The following CCN4 variants were observed in gnomAD, a reference collection of about 807,000 sequenced individuals.
The protein encoded by CCN4 is CCN family member 4.
A neutral mutation model predicts 36.7 loss-of-function variants in CCN4; 30 were observed. The observed-to-expected ratio is 0.82, with a 90% confidence interval of 0.61 to 1.11. The LOEUF is 1.11. Ranked by LOEUF, CCN4 falls within the 50% of genes least tolerant of loss-of-function variation. CCN4 has a pLI of 0.00. For missense variants in CCN4, 505 were observed against 504.9 expected (o/e 1.00, Z 0.00); for synonymous variants, 191 against 195.4 (o/e 0.98, Z 0.19).
At position 133,191,044 on chromosome 8, in the gene CCN4, TG is replaced by T; in HGVS notation, c.-99del. 8.0e-7 allele frequency: 1 copy of T among 1,248,286 alleles called. No homozygotes were observed. Among genetic ancestry groups the T allele is most frequent in the Non-Finnish European group, 1.1e-6 (1 of 871,974 alleles). 77.3% of individuals were successfully genotyped at this position (1,248,286 alleles called of 1,614,324 possible). On this transcript the variant is annotated 5_prime_UTR_variant, in exon 1 of 5. Coordinates refer to ENST00000250160, the MANE Select transcript of CCN4 (RefSeq NM_003882.4). ...CCAAGGGCTGCGGAAGAGGCATATC[TG>T]GTGCTCCTGATGGGCCGGCCAGTCT...
At chr8:133,217,231 T>C (rs953992879) in intron 2 of CCN4, among the ~76,000 whole-genome samples, 21 of 152,308 alleles carry the variant, frequency 1.4e-4, no homozygotes, top group African/African-American at 5.1e-4. Context: ...CATCCCTCCA[T>C]TGATTCTTCA....
rs1257345165 is a variant in CCN4 at position 133,231,338 on chromosome 8, C to T, written c.*3628C>T. 1 of 152,126 alleles carries T rather than the reference C, an allele frequency of 6.6e-6. No homozygotes were observed. The highest frequency in any genetic ancestry group is 1.5e-5 in the Non-Finnish European group (1 of 68,034). The allele number at this position is 152,126 out of a possible 1,614,324, so 9.4% of individuals were successfully genotyped here. ...TGTGTATATATATGTATGTATGTAT[C>T]TATTTTCAAACTGTGATTTAATATT... On this transcript the variant is annotated 3_prime_UTR_variant, in exon 5 of 5. Transcript: ENST00000250160.
chr8:133,209,891 G>T (rs117865047), intron 1 of CCN4, among the ~76,000 whole-genome samples: 1 of 152,326 alleles, frequency 6.6e-6, no homozygotes, highest in East Asian at 1.9e-4. Context: ...GTGTGATTGT[G>T]CCCATATCAC....
chr8:133,197,868 T>C (rs1297959488), intron 1 of CCN4, among the ~76,000 whole-genome samples: 3 of 152,094 alleles, frequency 2.0e-5, no homozygotes, highest in African/African-American at 7.2e-5. Context: ...AAGGCATGTG[T>C]GCTATGAGCC....
At chr8:133,195,918 C>T (rs1431993637) in intron 1 of CCN4, among the ~76,000 whole-genome samples, 1 of 152,204 alleles carries the variant, frequency 6.6e-6, no homozygotes, top group Non-Finnish European at 1.5e-5. Context: ...GAGGCAAACT[C>T]CAAGGGAGGT....
At chr8:133,193,178 C>T (rs941182698) in intron 1 of CCN4, among the ~76,000 whole-genome samples, 5 of 152,158 alleles carry the variant, frequency 3.3e-5, no homozygotes, top group South Asian at 2.1e-4. Context: ...GTCATCCTCC[C>T]GAATTAATAT....
intron 1 of CCN4, among the ~76,000 whole-genome samples, chr8:133,194,570 A>G (rs1323680641): frequency 3.2e-3 from 39 of 12,058 alleles, no homozygotes; most frequent in South Asian, 6.5e-3. Context: ...GGGTGGTGGT[A>G]TGGAGGGGTG....
chr8:133,194,838 TG>T lies in CCN4; in HGVS notation c.69+3627del, dbSNP rs200760313. On this transcript the variant is annotated intron_variant, in intron 1 of 4. Coordinates refer to ENST00000250160, the MANE Select transcript of CCN4 (RefSeq NM_003882.4). ...GTGGTGTGTGTGGTACGTGTGTGTG[TG>T]GTGTGTGGTGTGTGTGTTGAGTGTG... 2.6e-3 allele frequency among the ~76,000 whole-genome samples: 343 copies of T among 132,586 alleles called. 2 individuals carry two copies. Among genetic ancestry groups the T allele is most frequent in the African/African-American group, 9.6e-3 (334 of 34,762 alleles). 87.0% of individuals were successfully genotyped at this position (132,586 alleles called of 152,430 possible). A position where few individuals can be genotyped will look rare whatever the true frequency, so the allele number is the denominator to read the frequency against.
chr8:133,203,415 G>A (rs1161989937), intron 1 of CCN4, among the ~76,000 whole-genome samples: 1 of 152,186 alleles, frequency 6.6e-6, no homozygotes, highest in Non-Finnish European at 1.5e-5. Context: ...GTGCAGCAAG[G>A]TGATTACAAG....
At chr8:133,213,242 C>T (rs540736694) in intron 2 of CCN4, 99 bp downstream of exon 2, 1 of 1,421,266 alleles carries the variant, frequency 7.0e-7, no homozygotes, top group African/African-American at 1.4e-5. Context: ...TTCACCTGGC[C>T]AGGCTTCCGT....
intron 2 of CCN4, among the ~76,000 whole-genome samples, chr8:133,218,423 A>C (rs1387099197): frequency 6.6e-6 from 1 of 152,182 alleles, no homozygotes; most frequent in Non-Finnish European, 1.5e-5. Context: ...CTTGGACGCT[A>C]TGTGTCTTCA....
intron 1 of CCN4, among the ~76,000 whole-genome samples, chr8:133,199,988 G>A (rs1258458948): frequency 1.3e-5 from 2 of 152,116 alleles, no homozygotes; most frequent in African/African-American, 4.8e-5. Context: ...GGCATGCAAG[G>A]TTCAGAACAC....
intron 1 of CCN4, among the ~76,000 whole-genome samples, chr8:133,201,682 GAAATGCAA>G (rs971224234): frequency 3.3e-5 from 5 of 151,968 alleles, no homozygotes; most frequent in Non-Finnish European, 7.4e-5. Context: ...TCTCTACTAA[GAAATGCAA>G]AAATTAGCAG....
intron 1 of CCN4, among the ~76,000 whole-genome samples, chr8:133,203,086 G>C (rs1458403818): frequency 6.6e-6 from 1 of 152,224 alleles, no homozygotes; most frequent in Non-Finnish European, 1.5e-5. Context: ...CCCTGGTGGA[G>C]TATCTAGGTG....
At chr8:133,227,350 G>T (rs1400204027) in intron 4 of CCN4, 61 bp from the exon 5 acceptor site, 27 of 1,524,188 alleles carry the variant, frequency 1.8e-5, no homozygotes, top group Middle Eastern at 2.4e-4. Flanking sequence ...GGGCTCAGGG[G>T]AAGAAGGTGG....
intron 1 of CCN4, among the ~76,000 whole-genome samples, chr8:133,194,451 GT>G (rs1339314693): frequency 1.0e-4 from 8 of 77,138 alleles, no homozygotes; most frequent in African/African-American, 2.2e-4. Flanking sequence ...TGGTGTGTGT[GT>G]GGTATGTGTG....
intron 2 of CCN4, 22 bp downstream of exon 2, chr8:133,213,165 T>C: frequency 6.3e-7 from 1 of 1,581,460 alleles, no homozygotes; most frequent in East Asian, 2.3e-5. Flanking sequence ...CTCCATACCT[T>C]CTGACCAGCC....
chr8:133,225,509 C>G lies in CCN4; in HGVS notation c.730C>G (p.Gln244Glu). Residue 244 changes from glutamine (Q) to glutamate (E), a missense_variant, in exon 4 of 5, where the codon CAG (glutamine) becomes GAG (glutamate). By Grantham distance (29) the Gln-to-Glu change is conservative. Coordinates refer to ENST00000250160, the MANE Select transcript of CCN4 (RefSeq NM_003882.4). ...CACTCGGATCTCCAATGTTAACGCC[C>G]AGTGCTGGCCTGAGCAAGAGAGCCG... ...VSTRISNVNAQCWPEQESRLC... is the reference protein window; with the variant it reads ...VSTRISNVNAECWPEQESRLC... The G allele has an allele frequency of 6.2e-7, 1 of 1,614,018 alleles. No homozygotes were observed. The highest frequency in any genetic ancestry group is 8.5e-7 in the Non-Finnish European group (1 of 1,179,950).
intron 1 of CCN4, among the ~76,000 whole-genome samples, chr8:133,208,383 T>C (rs1853860955): frequency 6.6e-6 from 1 of 152,162 alleles, no homozygotes; most frequent in Admixed American, 6.5e-5. Context: ...CAGAGTAACA[T>C]GAACAGTGAC....
Sources: gnomAD v4.1 joint callset for allele counts (sites outside exome capture counted in the v4.1 genomes callset) on GRCh38, gnomAD v4.1.1 for gene constraint, MANE v1.5 for transcripts, NCBI Gene and HGNC (gene_info 2026-07-23, HGNC 2026-07-21) for gene names.